ORC3: variants seen among roughly 807,000 people sequenced by gnomAD.
The protein encoded by ORC3 is homolog of latheo, Drosophila.
ORC3 carries 78 observed loss-of-function variants against 100.7 expected under a neutral mutation model. The ratio of observed to expected loss-of-function variants is 0.77; its 90% CI spans 0.65 to 0.94. The LOEUF (loss-of-function observed/expected upper bound fraction) is 0.94, where lower values mean the gene tolerates loss of function less well. ORC3 is among the 40% of genes least tolerant of loss of function. ORC3 has a pLI of 0.00. For synonymous variants in ORC3, 295 were observed against 289.3 expected, an observed-to-expected ratio of 1.02 and a Z score of -0.20; for missense variants, 789 against 823.9, an observed-to-expected ratio of 0.96 and a Z score of 0.52.
At chr6:87,677,191 A>G in the ORC3 span, among the ~76,000 whole-genome samples, 2 of 152,184 alleles carry the variant, frequency 1.3e-5, no homozygotes, top group Non-Finnish European at 1.5e-5. Flanking sequence ...TGAGAATAGG[A>G]TAACAAAAGC....
downstream of ORC3, among the ~76,000 whole-genome samples, chr6:87,667,693 C>A (rs529167370): frequency 6.6e-6 from 1 of 152,042 alleles, no homozygotes; most frequent in South Asian, 2.1e-4. Context: ...CTTTGAGAGG[C>A]CAAGGCGGGT....
chr6:87,658,082 C>T, intron 16 of ORC3, 64 bp downstream of exon 16: 2 of 852,330 alleles, frequency 2.3e-6, no homozygotes, highest in South Asian at 2.8e-5. Context: ...ACACTGGTGT[C>T]ATAGCTGTCT....
intron 13 of ORC3, among the ~76,000 whole-genome samples, chr6:87,642,415 A>G (rs1466473829): frequency 6.6e-6 from 1 of 151,796 alleles, no homozygotes; most frequent in Admixed American, 6.6e-5. Flanking sequence ...ACGTGGTGAA[A>G]CCCCGTCTCT....
chr6:87,597,497 AT>A (rs1215481216), intron 2 of ORC3, among the ~76,000 whole-genome samples: 1 of 152,158 alleles, frequency 6.6e-6, no homozygotes. Flanking sequence ...TATTGAGTAT[AT>A]ACATTCCATA....
intron 14 of ORC3, among the ~76,000 whole-genome samples, chr6:87,656,385 C>T (rs1332459779): frequency 3.9e-5 from 6 of 152,092 alleles, no homozygotes; most frequent in South Asian, 2.1e-4. Flanking sequence ...GTCAGCAGTT[C>T]GAGACCAGCC....
intron 18 of ORC3, 70 bp from the exon 19 acceptor site, chr6:87,665,681 TAAA>T: frequency 2.4e-6 from 2 of 828,852 alleles, no homozygotes; most frequent in Non-Finnish European, 2.0e-6. Flanking sequence ...CAACAGCCAT[TAAA>T]AGAAGTATAG....
chr6:87,595,563 A>G (rs1582991211), intron 2 of ORC3: 1 of 152,176 alleles, frequency 6.6e-6, no homozygotes, highest in Admixed American at 6.5e-5. Flanking sequence ...ACATATTTCC[A>G]AGTGGCCCAG....
At chr6:87,641,269 A>G (rs931936044) in intron 13 of ORC3, among the ~76,000 whole-genome samples, 18 of 152,324 alleles carry the variant, frequency 1.2e-4, no homozygotes, top group Non-Finnish European at 2.1e-4. Context: ...TACCTCATCA[A>G]TTGAGAATTA....
intron 13 of ORC3, among the ~76,000 whole-genome samples, chr6:87,649,854 G>C (rs149547891): frequency 2.6e-5 from 4 of 152,126 alleles, no homozygotes; most frequent in African/African-American, 9.6e-5. Flanking sequence ...GTGTTAAAAT[G>C]TCTATTCATT....
At chr6:87,603,644 T>C (rs1178449946) in intron 4 of ORC3, 116 bp downstream of exon 4, 1 of 541,956 alleles carries the variant, frequency 1.8e-6, no homozygotes, top group East Asian at 2.9e-5. Flanking sequence ...TTGTCTCTCT[T>C]ATTTGTACAA....
chr6:87,628,275 A>G (rs1314614047), intron 11 of ORC3, among the ~76,000 whole-genome samples: 1 of 152,222 alleles, frequency 6.6e-6, no homozygotes, highest in Non-Finnish European at 1.5e-5. Context: ...ACCATGGCAC[A>G]CATTTACCTA....
intron 9 of ORC3, among the ~76,000 whole-genome samples, chr6:87,619,347 ATAAT>A (rs1164519198): frequency 6.6e-5 from 10 of 152,218 alleles, no homozygotes; most frequent in Non-Finnish European, 1.5e-4. Context: ...TGGTTTCCTG[ATAAT>A]TTATTAAGCA....
At chr6:87,677,657 G>A in the ORC3 span, among the ~76,000 whole-genome samples, 6 of 152,156 alleles carry the variant, frequency 3.9e-5, no homozygotes, top group African/African-American at 1.4e-4. Context: ...ACCAAGGCGG[G>A]CATGAGCTAT....
intron 8 of ORC3, among the ~76,000 whole-genome samples, chr6:87,613,320 G>A (rs1778916212): frequency 6.6e-6 from 1 of 152,170 alleles, no homozygotes; most frequent in African/African-American, 2.4e-5. Flanking sequence ...ACTATCATGA[G>A]AACAGCACAG....
At chr6:87,619,651 C>T (rs1323765218) in intron 9 of ORC3, among the ~76,000 whole-genome samples, 1 of 152,196 alleles carries the variant, frequency 6.6e-6, no homozygotes, top group Non-Finnish European at 1.5e-5. Flanking sequence ...GGTGATCCAC[C>T]CACCTTGGCC....
At chr6:87,674,302 C>CAAAA in the ORC3 span, among the ~76,000 whole-genome samples, 7,594 of 86,842 alleles carry the variant, frequency 0.087, 362 homozygotes, top group African/African-American at 0.15. Context: ...AACTCTATCT[C>CAAAA]AAAAAAAAAA....
intron 14 of ORC3, among the ~76,000 whole-genome samples, chr6:87,656,270 A>T (rs1173422797): frequency 1.3e-5 from 2 of 152,192 alleles, no homozygotes. Flanking sequence ...TTATTTTTTT[A>T]AAAAGCTATG....
rs533192559 is a variant in ORC3 at position 87,616,653 on chromosome 6, A to G, written c.987+226A>G. 2.6e-5 allele frequency among the ~76,000 whole-genome samples: 4 copies of G among 152,302 alleles called. No homozygotes were observed. In the South Asian group the frequency reaches 6.2e-4, roughly 24 times the overall value. ...ATGGGAAAAGACTTCTATTCCAGCA[A>G]TTCTTAACCATTTTGGGGGTAGGGG... On this transcript the variant is annotated intron_variant, in intron 9 of 19. Coordinates refer to ENST00000392844, the MANE Select transcript of ORC3 (RefSeq NM_012381.4).
At chr6:87,652,307 T>C (rs770509487) in intron 13 of ORC3, among the ~76,000 whole-genome samples, 16 of 152,234 alleles carry the variant, frequency 1.1e-4, no homozygotes, top group Non-Finnish European at 1.8e-4. Flanking sequence ...ATTGGTCTGA[T>C]TCCTTTTGAT....
Sources: allele counts gnomAD v4.1 joint callset (sites outside exome capture counted in the v4.1 genomes callset), GRCh38; gene constraint gnomAD v4.1.1; transcripts MANE v1.5; gene names NCBI Gene and HGNC (gene_info 2026-07-23, HGNC 2026-07-21).